The following ZNF354A variants were observed in gnomAD, a reference collection of about 807,000 sequenced individuals.
ZNF354A encodes the protein zinc finger protein 354A, also known as epididymis luminal protein 104.
Under a neutral mutation model 53.3 loss-of-function variants are expected in ZNF354A, and 25 were observed. That is an observed-to-expected ratio of 0.47 (90% CI 0.34 to 0.66). The LOEUF is 0.66. Ranked by LOEUF, ZNF354A falls within the 30% of genes least tolerant of loss-of-function variation. ZNF354A has a pLI of 0.01. For synonymous variants in ZNF354A, 228 were observed against 249.0 expected (o/e 0.92, Z 0.79); for missense variants, 586 against 716.8 (o/e 0.82, Z 2.08).
chr5:178,715,995 C>G (rs1007630177), intron 4 of ZNF354A, among the ~76,000 whole-genome samples: 1 of 151,454 alleles, frequency 6.6e-6, no homozygotes, highest in African/African-American at 2.4e-5. Flanking sequence ...CTCCCAGGTT[C>G]AAGTGATTCT....
At position 178,713,339 on chromosome 5, in the gene ZNF354A, A is replaced by C; in HGVS notation, c.539T>G (p.Leu180Arg). 2 of 1,614,140 alleles carry C rather than the reference A, an allele frequency of 1.2e-6. No individual in the cohort carries two copies. Among genetic ancestry groups the C allele is most frequent in the Non-Finnish European group, 1.7e-6 (2 of 1,180,024 alleles). The change falls in exon 5 of 5, where the codon CTT becomes CGT. Residue 180 changes from leucine (L) to arginine (R), a missense_variant. Leu to Arg is a moderately radical substitution (Grantham distance 102). Coordinates refer to ENST00000335815, the MANE Select transcript of ZNF354A (RefSeq NM_005649.3). ...TTTTGGTGGTGTTTTTTCTCTGGGA[A>C]GTATCTGTTGCCTAATAAGCACTGA... ...PKSVLIRQQILPREKTPPKCE... is the reference protein window; with the variant it reads ...PKSVLIRQQIRPREKTPPKCE...
chr5:178,717,236 C>T (rs996425875), intron 4 of ZNF354A, among the ~76,000 whole-genome samples: 1 of 151,992 alleles, frequency 6.6e-6, no homozygotes, highest in Non-Finnish European at 1.5e-5. Flanking sequence ...TTGGCTGCTG[C>T]GTGGACCGAC....
intron 1 of ZNF354A, among the ~76,000 whole-genome samples, chr5:178,729,581 C>T (rs1241904033): frequency 6.6e-6 from 1 of 151,832 alleles, no homozygotes; most frequent in African/African-American, 2.4e-5. Flanking sequence ...GGCGGAGTCT[C>T]GCTCTGTTGG....
chr5:178,727,811 CACACAG>C (rs1348823772), intron 2 of ZNF354A, among the ~76,000 whole-genome samples: 1 of 152,106 alleles, frequency 6.6e-6, no homozygotes, highest in Non-Finnish European at 1.5e-5. Flanking sequence ...TTGTCCAGGT[CACACAG>C]ACACAGTCAC....
intron 4 of ZNF354A, among the ~76,000 whole-genome samples, chr5:178,723,775 T>A (rs62392842): frequency 2.0e-5 from 3 of 151,204 alleles, no homozygotes; most frequent in African/African-American, 7.3e-5. Flanking sequence ...GGTTCAACCT[T>A]GATCCCCCAG....
chr5:178,725,608 G>T, intron 3 of ZNF354A, 137 bp from the exon 4 acceptor site: 2 of 775,566 alleles, frequency 2.6e-6, no homozygotes, highest in African/African-American at 3.5e-5. Context: ...GCCCCTGGGA[G>T]GTAAGGGGGT....
At chr5:178,719,157 GC>G (rs201933869) in intron 4 of ZNF354A, among the ~76,000 whole-genome samples, 2,000 of 152,210 alleles carry the variant, frequency 0.013, 23 homozygotes, top group South Asian at 0.032. Flanking sequence ...CATTGGTCAC[GC>G]CTTACTTTAT....
In ZNF354A at chr5:178,726,769, TAGAG is replaced by T. The variant is rs1007900238; in HGVS notation, c.160+226_160+229del. ...GACAAACTTGGAGTGTGTGATTACA[TAGAG>T]AGAGAGGAATGATTATCAATACCAC... On this transcript the variant is annotated intron_variant, in intron 3 of 4. Coordinates refer to ENST00000335815, the MANE Select transcript of ZNF354A (RefSeq NM_005649.3). Among the ~76,000 whole-genome samples, 16 of 152,284 alleles carry T rather than the reference TAGAG, an allele frequency of 1.1e-4. No homozygotes were observed. In the South Asian group the frequency reaches 2.9e-3, roughly 28 times the overall value.
chr5:178,714,548 T>G (rs1765681479), intron 4 of ZNF354A, among the ~76,000 whole-genome samples: 2 of 152,178 alleles, frequency 1.3e-5, no homozygotes. Context: ...TCACTTTCCT[T>G]TTCTGAAGTA....
chr5:178,721,711 T>C (rs1765816172), intron 4 of ZNF354A, among the ~76,000 whole-genome samples: 1 of 152,142 alleles, frequency 6.6e-6, no homozygotes, highest in Non-Finnish European at 1.5e-5. Context: ...ACTCTGCATC[T>C]TTCCACAGGC....
At chr5:178,725,584 A>C in intron 3 of ZNF354A, 113 bp from the exon 4 acceptor site, 1 of 1,120,918 alleles carries the variant, frequency 8.9e-7, no homozygotes, top group Non-Finnish European at 1.3e-6. Context: ...GCTTCTGTGT[A>C]GGGCTTCAGT....
At chr5:178,718,835 C>T (rs1046083688) in intron 4 of ZNF354A, among the ~76,000 whole-genome samples, 12 of 152,114 alleles carry the variant, frequency 7.9e-5, no homozygotes, top group African/African-American at 2.7e-4. Context: ...AGGGCTCAAG[C>T]GATTCTCCCA....
At chr5:178,724,387 G>A (rs558797167) in intron 4 of ZNF354A, among the ~76,000 whole-genome samples, 1 of 152,078 alleles carries the variant, frequency 6.6e-6, no homozygotes, top group African/African-American at 2.4e-5. Flanking sequence ...ACCACGCTTG[G>A]CTAATTTTTG....
intron 4 of ZNF354A, among the ~76,000 whole-genome samples, chr5:178,714,757 ATACT>A (rs1364813458): frequency 4.6e-5 from 7 of 152,034 alleles, no homozygotes; most frequent in Admixed American, 6.5e-5. Flanking sequence ...ATACACATAC[ATACT>A]TCATATATAT....
In ZNF354A at chr5:178,713,731, GA is replaced by G. The variant is rs937895391; in HGVS notation, c.257-111del. 1.4e-4 allele frequency: 190 copies of G among 1,324,170 alleles called. 1 individual carries two copies. In the African/African-American group the frequency reaches 2.5e-3, roughly 17 times the overall value. The allele number at this position is 1,324,170 out of a possible 1,614,324, so 82.0% of individuals were successfully genotyped here. ...ATTGGTGACATTTAAATAAGACCCTGATATCTGTATGAAAAAAATTGCAAAA... is the reference window on the plus strand; with the variant it reads ...ATTGGTGACATTTAAATAAGACCCTGTATCTGTATGAAAAAAATTGCAAAA... On this transcript the variant is annotated intron_variant, in intron 4 of 4. Transcript: ENST00000335815.
chr5:178,715,628 G>A (rs139230431), intron 4 of ZNF354A, among the ~76,000 whole-genome samples: 324 of 152,188 alleles, frequency 2.1e-3, no homozygotes, highest in African/African-American at 7.6e-3. Context: ...TGTGAATATC[G>A]GTCGTTGTTT....
chr5:178,725,585 G>T, intron 3 of ZNF354A, 114 bp from the exon 4 acceptor site: 1 of 1,105,490 alleles, frequency 9.0e-7, no homozygotes, highest in African/African-American at 1.6e-5. Context: ...CTTCTGTGTA[G>T]GGCTTCAGTT....
intron 4 of ZNF354A, among the ~76,000 whole-genome samples, chr5:178,715,812 C>A (rs1333310672): frequency 1.3e-5 from 2 of 152,078 alleles, no homozygotes; most frequent in Admixed American, 1.3e-4. Flanking sequence ...TTTTGTTTGC[C>A]ATGCATTACT....
chr5:178,727,616 G>A (rs1016073795), intron 2 of ZNF354A, among the ~76,000 whole-genome samples: 2 of 152,154 alleles, frequency 1.3e-5, no homozygotes, highest in Non-Finnish European at 2.9e-5. Context: ...GGATAGTAAT[G>A]ACGAAAAGTA....
Sources: gnomAD v4.1 joint callset for allele counts (sites outside exome capture counted in the v4.1 genomes callset) on GRCh38, gnomAD v4.1.1 for gene constraint, MANE v1.5 for transcripts, NCBI Gene and HGNC (gene_info 2026-07-23, HGNC 2026-07-21) for gene names.